Variants in DISC1 observed in about 807,000 individuals in gnomAD.
DISC1 encodes the protein disrupted in schizophrenia 1 protein.
A neutral mutation model predicts 84.5 loss-of-function variants in DISC1; 57 were observed. That is an observed-to-expected ratio of 0.67 (90% CI 0.55 to 0.84). DISC1 has a LOEUF of 0.84. DISC1 is among the 40% of genes least tolerant of loss of function. The pLI is 0.00. For synonymous variants in DISC1, 411 were observed against 415.2 expected, an observed-to-expected ratio of 0.99 and a Z score of 0.12; for missense variants, 1,000 against 1,057.8, an observed-to-expected ratio of 0.95 and a Z score of 0.76.
chr1:231,691,392 C>T (rs2064992063), intron 1 of DISC1, among the ~76,000 whole-genome samples: 1 of 151,552 alleles, frequency 6.6e-6, no homozygotes, highest in African/African-American at 2.4e-5. Context: ...GATTGTGCCA[C>T]TGCACTCCAG....
intron 1 of DISC1, chr1:231,684,673 G>T (rs1388525374): frequency 6.6e-6 from 1 of 152,172 alleles, no homozygotes; most frequent in Non-Finnish European, 1.5e-5. Context: ...CTAAAAGACT[G>T]TTACAAGCAG....
At chr1:231,936,074 G>A (rs821580) in intron 9 of DISC1, among the ~76,000 whole-genome samples, 5,758 of 152,180 alleles carry the variant, frequency 0.038, 384 homozygotes, top group African/African-American at 0.13. Flanking sequence ...GGGAGAGGCA[G>A]CTGCAGGAAA....
intron 9 of DISC1, among the ~76,000 whole-genome samples, chr1:231,830,743 G>T (rs1010590218): frequency 6.6e-6 from 1 of 152,192 alleles, no homozygotes; most frequent in Admixed American, 6.5e-5. Context: ...GCTCAAATGG[G>T]CTGTACCCTG....
chr1:231,832,327 G>A (rs1159290144), intron 9 of DISC1, among the ~76,000 whole-genome samples: 2 of 151,166 alleles, frequency 1.3e-5, no homozygotes, highest in Non-Finnish European at 3.0e-5. Context: ...AAAACAGTAA[G>A]GTCAAGTTGT....
At chr1:231,911,390 G>A (rs1338876620) in intron 9 of DISC1, among the ~76,000 whole-genome samples, 3 of 152,108 alleles carry the variant, frequency 2.0e-5, no homozygotes, top group African/African-American at 7.2e-5. Context: ...AAATCTCTCA[G>A]CATTTGCTTG....
chr1:231,957,000 C>T (rs184608370), intron 9 of DISC1, among the ~76,000 whole-genome samples: 14 of 152,306 alleles, frequency 9.2e-5, no homozygotes, highest in African/African-American at 3.4e-4. Flanking sequence ...GGAGCAGTCA[C>T]AGCCTGTCCA....
chr1:231,631,086 G>A (rs776880315), intron 1 of DISC1, among the ~76,000 whole-genome samples: 11 of 152,102 alleles, frequency 7.2e-5, no homozygotes, highest in Non-Finnish European at 1.3e-4. Flanking sequence ...CGGGTCACTC[G>A]TCACAGACTT....
At chr1:231,813,719 C>A (rs901025884) in intron 8 of DISC1, among the ~76,000 whole-genome samples, 1 of 152,158 alleles carries the variant, frequency 6.6e-6, no homozygotes, top group Non-Finnish European at 1.5e-5. Flanking sequence ...TTTAGTCTCA[C>A]CTCCTACCCC....
At chr1:231,867,983 A>T (rs1030030645) in intron 9 of DISC1, among the ~76,000 whole-genome samples, 6 of 152,200 alleles carry the variant, frequency 3.9e-5, no homozygotes, top group Admixed American at 2.0e-4. Flanking sequence ...CTAATCTTCC[A>T]TTTGTATTGC....
chr1:231,710,198 C>G (rs1458055620), intron 3 of DISC1, among the ~76,000 whole-genome samples: 11 of 152,096 alleles, frequency 7.2e-5, no homozygotes, highest in Admixed American at 7.2e-4. Flanking sequence ...AACAATTAGC[C>G]AAGCACAATG....
intron 7 of DISC1, among the ~76,000 whole-genome samples, chr1:231,795,938 A>G (rs1219597700): frequency 6.6e-6 from 1 of 152,164 alleles, no homozygotes; most frequent in Non-Finnish European, 1.5e-5. Flanking sequence ...GAAATTAATT[A>G]CTTTTCTTCC....
At chr1:232,029,645 AATT>A (rs1202626343) in intron 12 of DISC1, among the ~76,000 whole-genome samples, 3 of 152,252 alleles carry the variant, frequency 2.0e-5, no homozygotes, top group Non-Finnish European at 4.4e-5. Context: ...TGAGGTACCC[AATT>A]AATCTAAGTC....
intron 10 of DISC1, among the ~76,000 whole-genome samples, chr1:231,962,500 G>T (rs913668065): frequency 6.6e-6 from 1 of 152,116 alleles, no homozygotes; most frequent in Non-Finnish European, 1.5e-5. Flanking sequence ...AAACAATCCT[G>T]AGCAAAAAGA....
intron 9 of DISC1, among the ~76,000 whole-genome samples, chr1:231,884,230 CATT>C (rs1449247215): frequency 3.3e-5 from 5 of 152,152 alleles, no homozygotes; most frequent in East Asian, 1.9e-4. Flanking sequence ...GCATCTGACT[CATT>C]GTTGGTATTT....
chr1:231,855,969 C>T (rs993719649), intron 9 of DISC1, among the ~76,000 whole-genome samples: 7 of 152,348 alleles, frequency 4.6e-5, no homozygotes, highest in East Asian at 1.9e-4. Flanking sequence ...ACATGAAAGT[C>T]GTGGCTGCCA....
rs756261244 is a variant in DISC1 at position 231,701,953 on chromosome 1, A to C, written c.1048-2A>C. ...TATTTTTTCCCCTTTAAACCAACAT[A>C]GGTAATATCCTTAAGATTAAAACTT... On this transcript the variant is annotated splice_acceptor_variant, in intron 2 of 12. Coordinates refer to ENST00000439617, the MANE Select transcript of DISC1 (RefSeq NM_018662.3). LOFTEE classifies it high-confidence loss of function. 3.1e-6 allele frequency: 5 copies of C among 1,598,808 alleles called. No individual in the cohort carries two copies. Among genetic ancestry groups the C allele is most frequent in the Non-Finnish European group, 3.4e-6 (4 of 1,172,092 alleles).
chr1:231,634,171 A>G (rs1280180344), intron 1 of DISC1, among the ~76,000 whole-genome samples: 3 of 152,116 alleles, frequency 2.0e-5, no homozygotes, highest in Non-Finnish European at 4.4e-5. Context: ...GGAGTGAGCC[A>G]CCGCGCCTGG....
intron 1 of DISC1, among the ~76,000 whole-genome samples, chr1:231,648,593 C>T (rs1419232019): frequency 6.6e-6 from 1 of 152,104 alleles, no homozygotes; most frequent in Admixed American, 6.5e-5. Context: ...GGGAGGATTC[C>T]CTCTTTTTCT....
At chr1:231,643,904 C>T (rs963538034) in intron 1 of DISC1, among the ~76,000 whole-genome samples, 1 of 152,150 alleles carries the variant, frequency 6.6e-6, no homozygotes, top group African/African-American at 2.4e-5. Context: ...TCTAATTCAT[C>T]AGCTCAGAGG....
Sources: allele counts gnomAD v4.1 joint callset (sites outside exome capture counted in the v4.1 genomes callset), GRCh38; gene constraint gnomAD v4.1.1; transcripts MANE v1.5; gene names NCBI Gene and HGNC (gene_info 2026-07-23, HGNC 2026-07-21).